XPNPEP1: variants seen among roughly 807,000 people sequenced by gnomAD.
XPNPEP1 encodes X-prolyl aminopeptidase 1, also known as xaa-Pro aminopeptidase 1.
Under a neutral mutation model 92.4 loss-of-function variants are expected in XPNPEP1, and 39 were observed. That is an observed-to-expected ratio of 0.42 (90% confidence interval 0.33 to 0.55). The LOEUF (loss-of-function observed/expected upper bound fraction) is 0.55, where lower values mean the gene tolerates loss of function less well. Among genes scored for constraint, XPNPEP1 ranks in the 20% least tolerant of loss-of-function variants. XPNPEP1 has a pLI of 0.08. For synonymous variants in XPNPEP1, 307 were observed against 299.4 expected, an observed-to-expected ratio of 1.03 and a Z score of -0.26; for missense variants, 654 against 856.1, an observed-to-expected ratio of 0.76 and a Z score of 2.95.
At chr10:109,911,746 T>C (rs1274040434) in intron 2 of XPNPEP1, among the ~76,000 whole-genome samples, 1 of 152,242 alleles carries the variant, frequency 6.6e-6, no homozygotes, top group African/African-American at 2.4e-5. Flanking sequence ...TTAACTGGTC[T>C]GGAGTACAGC....
At chr10:109,886,402 T>A in intron 7 of XPNPEP1, 61 bp from the exon 8 acceptor site, 2 of 1,464,214 alleles carry the variant, frequency 1.4e-6, no homozygotes, top group South Asian at 1.2e-5. Flanking sequence ...AGGAACCCAG[T>A]GAAAGAACCT....
chr10:109,879,039 G>A (rs553617531), intron 12 of XPNPEP1, among the ~76,000 whole-genome samples: 2,051 of 139,634 alleles, frequency 0.015, 50 homozygotes, highest in African/African-American at 0.05. Context: ...TCAGGAGATC[G>A]AGACCATCCT....
chr10:109,900,777 G>A (rs1849245468), intron 3 of XPNPEP1, among the ~76,000 whole-genome samples: 1 of 152,070 alleles, frequency 6.6e-6, no homozygotes, highest in South Asian at 2.1e-4. Context: ...TGATTCTGGT[G>A]GTCAAGGACA....
chr10:109,874,646 G>A (rs1353645206), intron 15 of XPNPEP1, among the ~76,000 whole-genome samples: 1 of 152,222 alleles, frequency 6.6e-6, no homozygotes, highest in South Asian at 2.1e-4. Context: ...GGGGAATGGA[G>A]CAGCACTAAA....
At chr10:109,873,812 G>A (rs1847621429) in intron 15 of XPNPEP1, among the ~76,000 whole-genome samples, 1 of 152,140 alleles carries the variant, frequency 6.6e-6, no homozygotes, top group Non-Finnish European at 1.5e-5. Flanking sequence ...AAAAAGAAAT[G>A]GAATACTGAT....
intron 3 of XPNPEP1, among the ~76,000 whole-genome samples, 154 bp downstream of exon 3, chr10:109,907,537 T>A (rs2133526768): frequency 6.6e-6 from 1 of 152,328 alleles, no homozygotes; most frequent in South Asian, 2.1e-4. Context: ...CCACAAGCAT[T>A]CAGTGAGACC....
chr10:109,897,897 G>T (rs1003220400), intron 3 of XPNPEP1, among the ~76,000 whole-genome samples: 1 of 151,896 alleles, frequency 6.6e-6, no homozygotes. Context: ...CAAGTGATCC[G>T]CCTGCCTCGA....
intron 19 of XPNPEP1, 121 bp downstream of exon 19, chr10:109,869,832 C>T: frequency 1.0e-6 from 1 of 967,632 alleles, no homozygotes. Context: ...TTCATCTTCC[C>T]ACACTAAGAA....
chr10:109,882,409 TG>T, intron 10 of XPNPEP1, 22 bp downstream of exon 10: 1 of 1,602,764 alleles, frequency 6.2e-7, no homozygotes, highest in South Asian at 1.1e-5. Flanking sequence ...AGAGTTTAGA[TG>T]GGCCAAAGTG....
chr10:109,907,938 A>G (rs1589621240), intron 2 of XPNPEP1, 123 bp from the exon 3 acceptor site: 2 of 1,419,050 alleles, frequency 1.4e-6, no homozygotes, highest in Admixed American at 2.1e-5. Flanking sequence ...TAGGTCTTCA[A>G]ATTGATCACT....
At chr10:109,878,688 G>A (rs530865598) in intron 12 of XPNPEP1, among the ~76,000 whole-genome samples, 4 of 152,080 alleles carry the variant, frequency 2.6e-5, no homozygotes, top group African/African-American at 9.6e-5. Flanking sequence ...AGGAGTTTCA[G>A]ATCAGCCTGG....
chr10:109,876,183 A>G (rs1274762668), intron 14 of XPNPEP1: 1 of 152,548 alleles, frequency 6.6e-6, no homozygotes, highest in East Asian at 1.9e-4. Context: ...TTCTGCTTCA[A>G]ACAAACATGA....
At chr10:109,918,356 G>C (rs764592005) in intron 1 of XPNPEP1, among the ~76,000 whole-genome samples, 1 of 152,156 alleles carries the variant, frequency 6.6e-6, no homozygotes, top group African/African-American at 2.4e-5. Flanking sequence ...GAGAGGTTGA[G>C]GCAGCAGTGA....
At chr10:109,912,911 T>A (rs1849957535) in intron 2 of XPNPEP1, among the ~76,000 whole-genome samples, 1 of 152,232 alleles carries the variant, frequency 6.6e-6, no homozygotes, top group East Asian at 1.9e-4. Context: ...ATCTTTTCAG[T>A]CTCAATGAAC....
In XPNPEP1 at chr10:109,882,512, G is replaced by A. The variant is rs191856337; in HGVS notation, c.961C>T (p.Leu321=). 1,010 of 1,614,218 alleles carry A rather than the reference G, an allele frequency of 6.3e-4. 6 individuals carry two copies. In the East Asian group the frequency reaches 8.6e-3, roughly 14 times the overall value. ...YKSILSELKA[L]CADLSPREKV... Reference sequence around the variant, plus strand: ...TCCCTTGGGGAGAGGTCAGCACACAGGGCCTTGAGCTCGCTCAGGATGGAC... The same window carrying A: ...TCCCTTGGGGAGAGGTCAGCACACAAGGCCTTGAGCTCGCTCAGGATGGAC... Residue 321 remains leucine, a synonymous_variant, in exon 10 of 21, where the codon CTG becomes TTG. Transcript: ENST00000502935.
At chr10:109,905,749 C>T (rs1481376411) in intron 3 of XPNPEP1, among the ~76,000 whole-genome samples, 1 of 152,168 alleles carries the variant, frequency 6.6e-6, no homozygotes, top group Non-Finnish European at 1.5e-5. Flanking sequence ...CACTGTTCAG[C>T]TCATTTCACT....
intron 2 of XPNPEP1, among the ~76,000 whole-genome samples, chr10:109,908,265 A>G (rs1304893503): frequency 1.3e-5 from 2 of 152,248 alleles, no homozygotes; most frequent in Admixed American, 6.5e-5. Flanking sequence ...ATAGACTTAT[A>G]TATTTGATTT....
At chr10:109,877,333 G>C (rs551508969) in intron 14 of XPNPEP1, 4 of 156,746 alleles carry the variant, frequency 2.6e-5, no homozygotes, top group Admixed American at 2.5e-4. Flanking sequence ...AGGAGTGGTA[G>C]CACATGCCTA....
chr10:109,895,374 C>T (rs1365553305), intron 3 of XPNPEP1, among the ~76,000 whole-genome samples: 2 of 152,166 alleles, frequency 1.3e-5, no homozygotes, highest in Non-Finnish European at 2.9e-5. Context: ...ATGGAAGATC[C>T]GCAGGGTTTA....
Sources: allele counts gnomAD v4.1 joint callset (sites outside exome capture counted in the v4.1 genomes callset), GRCh38; gene constraint gnomAD v4.1.1; transcripts MANE v1.5; gene names NCBI Gene and HGNC (gene_info 2026-07-23, HGNC 2026-07-21).